The following ROBO1 variants were observed in gnomAD, a reference collection of about 807,000 sequenced individuals.
ROBO1 encodes the protein roundabout guidance receptor 1.
A neutral mutation model predicts 195.9 loss-of-function variants in ROBO1; 149 were observed. That is an observed-to-expected ratio of 0.76 (90% CI 0.67 to 0.87). The LOEUF (loss-of-function observed/expected upper bound fraction) is 0.87. Among genes scored for constraint, ROBO1 ranks in the 40% least tolerant of loss-of-function variants. ROBO1 has a pLI of 0.00. For synonymous variants in ROBO1, 816 were observed against 733.2 expected (o/e 1.11, Z -1.82); for missense variants, 1,933 against 2,068.3 (o/e 0.93, Z 1.27).
Position 78,998,645 on chromosome 3 carries a change from T to C in ROBO1, c.173-59718A>G, listed in dbSNP as rs542934678. On this transcript the variant is annotated intron_variant, in intron 3 of 30. Transcript: ENST00000464233. ...TCTAGTCTCCTGATTGATAGTCACC[T>C]GAAATCCCTTCCTGCTGACTATATT... is the stretch of plus-strand genomic sequence containing the variant. 3.9e-5 allele frequency among the ~76,000 whole-genome samples: 6 copies of C among 152,258 alleles called. No homozygotes were observed. The South Asian group carries it at 1.2e-3, about 32-fold the overall frequency.
chr3:78,699,994 T>C (rs144392900), intron 8 of ROBO1, among the ~76,000 whole-genome samples: 233 of 152,296 alleles, frequency 1.5e-3, no homozygotes, highest in African/African-American at 5.3e-3. Context: ...AGAGCACATA[T>C]TATAGTTAAA....
chr3:78,722,299 C>T lies in ROBO1; in HGVS notation c.658-4416G>A, dbSNP rs529780288. 2.0e-5 allele frequency among the ~76,000 whole-genome samples: 3 copies of T among 152,244 alleles called. No homozygotes were observed. The East Asian group carries it at 5.8e-4, about 29-fold the overall frequency. The stretch of plus-strand genomic sequence containing the variant: ...TAACCCACCAGGCATTTTACAAATA[C>T]TTTCTCTATCCTTTGTAAGTAAACA... On this transcript the variant is annotated intron_variant, in intron 5 of 30. Transcript: ENST00000464233.
chr3:78,844,785 C>T lies in ROBO1; in HGVS notation c.499+93816G>A, dbSNP rs141776740. Among the ~76,000 whole-genome samples the T allele has an allele frequency of 2.2e-3, 331 of 152,068 alleles. 1 individual carries two copies. The highest frequency in any genetic ancestry group is 7.4e-3 in the African/African-American group (306 of 41,498). ...GTATACATTCTGTGAATAATATGGA[C>T]GTTAGGATGGCCTCATGGTTCAATA... On this transcript the variant is annotated intron_variant, in intron 4 of 30. Transcript: ENST00000464233.
chr3:78,654,197 G>A (rs1305150409), intron 18 of ROBO1, among the ~76,000 whole-genome samples: 1 of 152,184 alleles, frequency 6.6e-6, no homozygotes, highest in Non-Finnish European at 1.5e-5. Flanking sequence ...GTTCAATGAT[G>A]AAGAAAACAG....
chr3:79,447,444 C>G (rs768572026), intron 2 of ROBO1, among the ~76,000 whole-genome samples: 60 of 152,168 alleles, frequency 3.9e-4, no homozygotes, highest in Non-Finnish European at 7.9e-4. Flanking sequence ...TATTTAGCTT[C>G]TACCTGAATG....
At chr3:78,628,158 T>G (rs1359001151) in intron 25 of ROBO1, among the ~76,000 whole-genome samples, 3 of 152,162 alleles carry the variant, frequency 2.0e-5, no homozygotes, top group Non-Finnish European at 2.9e-5. Flanking sequence ...TTCACCATGT[T>G]GGTTAGGCTG....
chr3:79,517,445 A>G (rs971517369), intron 2 of ROBO1, among the ~76,000 whole-genome samples: 8 of 152,134 alleles, frequency 5.3e-5, no homozygotes, highest in African/African-American at 1.4e-4. Flanking sequence ...CTCTGCATCA[A>G]TCTCTCTGCT....
intron 2 of ROBO1, among the ~76,000 whole-genome samples, chr3:79,278,542 T>C (rs2031247836): frequency 6.6e-6 from 1 of 152,176 alleles, no homozygotes; most frequent in Non-Finnish European, 1.5e-5. Flanking sequence ...TCTAAAAATC[T>C]ACAGTGAACT....
chr3:79,531,395 G>C (rs1471637743), intron 2 of ROBO1, among the ~76,000 whole-genome samples: 2 of 152,072 alleles, frequency 1.3e-5, no homozygotes, highest in Non-Finnish European at 2.9e-5. Flanking sequence ...GGCCGAGGTG[G>C]GTGGATCACT....
chr3:78,921,985 T>C (rs1053187443), intron 4 of ROBO1, among the ~76,000 whole-genome samples: 3 of 152,046 alleles, frequency 2.0e-5, no homozygotes, highest in African/African-American at 2.4e-5. Flanking sequence ...TGGGTTTTTC[T>C]TATTAATAAG....
chr3:79,471,484 CT>C (rs1473553068), intron 2 of ROBO1, among the ~76,000 whole-genome samples: 7 of 151,912 alleles, frequency 4.6e-5, no homozygotes, highest in African/African-American at 1.5e-4. Flanking sequence ...AAAAAGATAT[CT>C]TTTTTCTCAC....
intron 2 of ROBO1, among the ~76,000 whole-genome samples, chr3:79,389,473 A>G (rs1314046018): frequency 6.6e-6 from 1 of 152,160 alleles, no homozygotes; most frequent in Non-Finnish European, 1.5e-5. Flanking sequence ...ACCTACAAAT[A>G]TGGAATTGAG....
chr3:78,817,319 T>G (rs1312886476), intron 4 of ROBO1, among the ~76,000 whole-genome samples: 1 of 152,220 alleles, frequency 6.6e-6, no homozygotes, highest in Non-Finnish European at 1.5e-5. Flanking sequence ...TTGCATTTTT[T>G]AGCAATATGT....
intron 2 of ROBO1, 34 bp downstream of exon 2, chr3:79,589,790 T>C: frequency 6.8e-7 from 1 of 1,472,180 alleles, no homozygotes; most frequent in Non-Finnish European, 9.5e-7. Context: ...GGAATACTGG[T>C]TAAGTATTGA....
chr3:78,637,274 G>A (rs1312481420), intron 22 of ROBO1, among the ~76,000 whole-genome samples: 3 of 152,018 alleles, frequency 2.0e-5, no homozygotes, highest in African/African-American at 7.2e-5. Context: ...TTTCAACCAT[G>A]AACCGTCAGG....
chr3:79,684,530 G>C (rs1233035029), intron 1 of ROBO1, among the ~76,000 whole-genome samples: 4 of 151,942 alleles, frequency 2.6e-5, no homozygotes, highest in Non-Finnish European at 5.9e-5. Context: ...TATTTGCGCA[G>C]TAAGTTCAAT....
At chr3:79,387,890 T>C (rs1042069297) in intron 2 of ROBO1, among the ~76,000 whole-genome samples, 3 of 152,130 alleles carry the variant, frequency 2.0e-5, no homozygotes, top group Admixed American at 6.6e-5. Flanking sequence ...CAATGTGACC[T>C]TTCATGTGGA....
At chr3:78,958,325 G>A (rs2041149595) in intron 3 of ROBO1, among the ~76,000 whole-genome samples, 1 of 152,092 alleles carries the variant, frequency 6.6e-6, no homozygotes, top group African/African-American at 2.4e-5. Flanking sequence ...ATTCCTTAAA[G>A]GGCTTTGAAC....
chr3:79,141,152 T>C (rs910289608), intron 2 of ROBO1, among the ~76,000 whole-genome samples: 1 of 152,138 alleles, frequency 6.6e-6, no homozygotes, highest in Non-Finnish European at 1.5e-5. Context: ...GCTTGATGCA[T>C]TGGAGGGTGG....
Sources: allele counts gnomAD v4.1 joint callset (sites outside exome capture counted in the v4.1 genomes callset), GRCh38; gene constraint gnomAD v4.1.1; transcripts MANE v1.5; gene names NCBI Gene and HGNC (gene_info 2026-07-23, HGNC 2026-07-21).